Variants in ITPRID1 observed in about 807,000 individuals in gnomAD.
ITPRID1 encodes the protein ITPR interacting domain containing 1.
A neutral mutation model predicts 95.4 loss-of-function variants in ITPRID1; 96 were observed. The observed-to-expected ratio is 1.01, with a 90% confidence interval of 0.85 to 1.19. ITPRID1 has a LOEUF of 1.19. Among genes scored for constraint, ITPRID1 ranks in the 50% most tolerant of loss-of-function variants. The probability of loss-of-function intolerance (pLI) is 0.00; values close to 1 mark genes in which losing one functional copy is unlikely to be tolerated. For missense variants in ITPRID1, 1,339 were observed against 1,252.9 expected (o/e 1.07, Z -1.04); for synonymous variants, 510 against 453.6 (o/e 1.12, Z -1.58).
At chr7:31,597,934 C>T (rs1019226550) in intron 10 of ITPRID1, among the ~76,000 whole-genome samples, 2 of 151,920 alleles carry the variant, frequency 1.3e-5, no homozygotes, top group Admixed American at 6.6e-5. Context: ...GGATAATAAA[C>T]CAATGAAATA....
chr7:31,521,620 CTCCTTCCTTCCTTCCTTCCTTCCT>C (rs201520895), intron 1 of ITPRID1, among the ~76,000 whole-genome samples: 1,328 of 69,692 alleles, frequency 0.019, 15 homozygotes, highest in Admixed American at 0.028. Flanking sequence ...TCTCCTTTCC[CTCCTTCCTTCCTTCCTTCCTTCCT>C]TCCTTCCTTC....
chr7:31,535,647 G>A (rs570943294), intron 1 of ITPRID1, among the ~76,000 whole-genome samples: 1 of 151,924 alleles, frequency 6.6e-6, no homozygotes, highest in Non-Finnish European at 1.5e-5. Context: ...TTTGTAATAC[G>A]GTCTGCTGAA....
At chr7:31,620,746 C>A (rs1378750872) in intron 10 of ITPRID1, among the ~76,000 whole-genome samples, 1 of 152,118 alleles carries the variant, frequency 6.6e-6, no homozygotes, top group African/African-American at 2.4e-5. Context: ...AGCAATGGAA[C>A]AAAGCTGGAT....
intron 10 of ITPRID1, among the ~76,000 whole-genome samples, chr7:31,623,682 T>G (rs1788151617): frequency 9.9e-6 from 1 of 101,428 alleles, no homozygotes; most frequent in Non-Finnish European, 2.1e-5. Flanking sequence ...GCATTCCCTT[T>G]GAAAACTGGC....
At chr7:31,601,852 A>G (rs1786407023) in intron 10 of ITPRID1, among the ~76,000 whole-genome samples, 1 of 152,204 alleles carries the variant, frequency 6.6e-6, no homozygotes, top group Non-Finnish European at 1.5e-5. Flanking sequence ...GGGCGACCAG[A>G]ACACTGGTGG....
At chr7:31,570,025 C>A (rs1162340563) in intron 6 of ITPRID1, among the ~76,000 whole-genome samples, 1 of 152,134 alleles carries the variant, frequency 6.6e-6, no homozygotes, top group Non-Finnish European at 1.5e-5. Context: ...ATTAAATCAA[C>A]AAATGTTGAT....
chr7:31,557,386 CAT>C (rs1350471670), intron 5 of ITPRID1, among the ~76,000 whole-genome samples: 2 of 152,084 alleles, frequency 1.3e-5, no homozygotes, highest in African/African-American at 2.4e-5. Context: ...GCCCAAATAA[CAT>C]AGATAGTTGG....
chr7:31,558,777 G>A (rs541001295), intron 5 of ITPRID1, among the ~76,000 whole-genome samples: 56 of 152,068 alleles, frequency 3.7e-4, no homozygotes, highest in Admixed American at 2.4e-3. Context: ...CTAGCATACC[G>A]CCAATGACAG....
chr7:31,529,860 A>G, intron 1 of ITPRID1: 1 of 1,494,712 alleles, frequency 6.7e-7, no homozygotes, highest in South Asian at 1.2e-5. Context: ...TTTTCTTTTA[A>G]TCCAGCCTGT....
chr7:31,529,574 C>G (rs1783528184), intron 1 of ITPRID1: 2 of 531,588 alleles, frequency 3.8e-6, no homozygotes, highest in South Asian at 3.1e-5. Context: ...GAGAGAATCA[C>G]TTTGTGTCTT....
chr7:31,599,664 C>CTT (rs373405478), intron 10 of ITPRID1, among the ~76,000 whole-genome samples: 43,745 of 105,484 alleles, frequency 0.41, 10,300 homozygotes, highest in Admixed American at 0.51. Flanking sequence ...TCTTTCCTTT[C>CTT]TCTCTCTCTC....
chr7:31,565,378 G>A (rs936818024), intron 5 of ITPRID1, among the ~76,000 whole-genome samples: 1 of 152,214 alleles, frequency 6.6e-6, no homozygotes, highest in South Asian at 2.1e-4. Flanking sequence ...CAGCAGAGAA[G>A]GCTGTATGTC....
At chr7:31,541,586 T>C (rs1048514571) in intron 1 of ITPRID1, among the ~76,000 whole-genome samples, 10 of 152,168 alleles carry the variant, frequency 6.6e-5, no homozygotes, top group African/African-American at 2.4e-4. Context: ...ATCAGAATTA[T>C]AGGAGTCTCC....
At position 31,652,755 on chromosome 7, in the gene ITPRID1, GC is replaced by G; in HGVS notation, c.3062del (p.Ala1021ValfsTer5). ...CACCAGGATGTCTCCTTCATCATCA[GC>G]TTGGGCAAAGTTAGGTCCAACCCCT... is the stretch of plus-strand genomic sequence containing the variant. ...NSTRMSPSSS[A>X]WAKLGPTPLS... is the part of the protein sequence containing the mutation. On this transcript the variant is annotated frameshift_variant, in exon 15 of 15. Coordinates refer to ENST00000615280, the MANE Select transcript of ITPRID1 (RefSeq NM_001257967.3). LOFTEE classifies it low-confidence loss of function (END_TRUNC). 1 of 1,613,942 alleles carries G rather than the reference GC, an allele frequency of 6.2e-7. No homozygotes were observed. Among genetic ancestry groups the G allele is most frequent in the Non-Finnish European group, 8.5e-7 (1 of 1,179,884 alleles).
intron 5 of ITPRID1, among the ~76,000 whole-genome samples, chr7:31,557,193 G>A (rs1193252297): frequency 6.6e-6 from 1 of 151,984 alleles, no homozygotes; most frequent in Non-Finnish European, 1.5e-5. Flanking sequence ...ATTCCAGGTG[G>A]ACATGAAATT....
At chr7:31,586,663 C>T (rs1383872901) in intron 10 of ITPRID1, among the ~76,000 whole-genome samples, 2 of 152,166 alleles carry the variant, frequency 1.3e-5, no homozygotes, top group African/African-American at 4.8e-5. Flanking sequence ...TGTTCATGTC[C>T]TTCACCCACT....
At chr7:31,583,057 CTTA>C in intron 9 of ITPRID1, 74 bp from the exon 10 acceptor site, 1 of 1,033,358 alleles carries the variant, frequency 9.7e-7, no homozygotes, top group Non-Finnish European at 1.5e-6. Context: ...AGTTGCCAGT[CTTA>C]TTATATGTTG....
chr7:31,566,754 T>C, intron 5 of ITPRID1, among the ~76,000 whole-genome samples: 1 of 152,208 alleles, frequency 6.6e-6, no homozygotes, highest in East Asian at 1.9e-4. Context: ...ATGGGCTTTC[T>C]CTCATCTGAC....
At position 31,632,700 on chromosome 7, in the gene ITPRID1, C is replaced by T. The variant is rs556700802; in HGVS notation, c.1229-9476C>T. Among the ~76,000 whole-genome samples, 280 of 152,200 alleles carry T rather than the reference C, an allele frequency of 1.8e-3. 1 individual carries two copies. Among genetic ancestry groups the T allele is most frequent in the African/African-American group, 6.3e-3 (262 of 41,520 alleles). Reference sequence around the variant, plus strand: ...TAGCAGCAGGAAAAGAGCAGTCCTCCTCGTTTCCATGTTGGTCAGACCGTC... The same window carrying T: ...TAGCAGCAGGAAAAGAGCAGTCCTCTTCGTTTCCATGTTGGTCAGACCGTC... On this transcript the variant is annotated intron_variant, in intron 10 of 14. Transcript: ENST00000615280.
Sources: allele counts gnomAD v4.1 joint callset (sites outside exome capture counted in the v4.1 genomes callset), GRCh38; gene constraint gnomAD v4.1.1; transcripts MANE v1.5; gene names NCBI Gene and HGNC (gene_info 2026-07-23, HGNC 2026-07-21).